PDCD6: variants seen among roughly 807,000 people sequenced by gnomAD.
The protein encoded by PDCD6 is programmed cell death 6.
PDCD6 carries 12 observed loss-of-function variants against 28.3 expected under a neutral mutation model. That is an observed-to-expected ratio of 0.42 (90% CI 0.27 to 0.69). PDCD6 has a LOEUF of 0.69. PDCD6 is among the 30% of genes least tolerant of loss of function. PDCD6 has a pLI of 0.22. For synonymous variants in PDCD6, 92 were observed against 108.0 expected, an observed-to-expected ratio of 0.85 and a Z score of 0.92; for missense variants, 226 against 269.9, an observed-to-expected ratio of 0.84 and a Z score of 1.14.
intron 3 of PDCD6, 180 bp downstream of exon 3, chr5:304,401 T>C: frequency 1.1e-6 from 1 of 919,380 alleles, no homozygotes; most frequent in Non-Finnish European, 1.6e-6. Flanking sequence ...CATCTCTCCG[T>C]GTATGTTTGC....
At position 311,402 on chromosome 5, in the gene PDCD6, G is replaced by T. The variant is rs1294369854; in HGVS notation, c.477G>T (p.Gln159His). 1 of 1,607,460 alleles carries T rather than the reference G, an allele frequency of 6.2e-7. No homozygotes were observed. The highest frequency in any genetic ancestry group is 8.5e-7 in the Non-Finnish European group (1 of 1,174,118). ...DDFIQGCIVL[Q>H]RLTDIFRRYD... Reference sequence around the variant, plus strand: ...TCATCCAGGGCTGCATCGTCCTGCAGGTGACGGAATGGCTTCACGTGGGTT... The same window carrying T: ...TCATCCAGGGCTGCATCGTCCTGCATGTGACGGAATGGCTTCACGTGGGTT... The change falls in exon 5 of 6, where the codon CAG (glutamine) becomes CAT (histidine). Residue 159 changes from glutamine (Q) to histidine (H), a missense_variant and splice_region_variant. Around this residue, in one of 3 missense-constraint regions of PDCD6, gnomAD observed 151 missense variants for 177.2 expected, o/e 0.85. Coordinates refer to ENST00000264933, the MANE Select transcript of PDCD6 (RefSeq NM_013232.4).
chr5:284,774 G>C (rs1466309294), intron 2 of PDCD6, among the ~76,000 whole-genome samples: 1 of 151,130 alleles, frequency 6.6e-6, no homozygotes, highest in South Asian at 2.1e-4. Context: ...GTTCCAGTTT[G>C]AGGGCCGGGG....
intron 5 of PDCD6, 118 bp from the exon 6 acceptor site, chr5:314,299 C>T: frequency 1.5e-6 from 1 of 688,922 alleles, no homozygotes. Flanking sequence ...TGCTGGGCTC[C>T]ATCAGGGAGC....
chr5:303,277 G>T (rs934169225), intron 2 of PDCD6, among the ~76,000 whole-genome samples: 21 of 147,782 alleles, frequency 1.4e-4, no homozygotes, highest in African/African-American at 5.2e-4. Context: ...TACTGCCCAG[G>T]ACTGTGGCAT....
intron 2 of PDCD6, among the ~76,000 whole-genome samples, chr5:280,002 T>C (rs1165579757): frequency 1.2e-4 from 6 of 50,524 alleles, no homozygotes; most frequent in African/African-American, 5.1e-4. Context: ...GGGAGGGGGG[T>C]GGGCAGGGAG....
chr5:297,292 G>A (rs1390881839), intron 2 of PDCD6, among the ~76,000 whole-genome samples: 2 of 152,258 alleles, frequency 1.3e-5, no homozygotes, highest in African/African-American at 2.4e-5. Context: ...TAAACATGGG[G>A]GAGAGCGTAA....
Position 314,450 on chromosome 5 carries a change from G to C in PDCD6, c.511G>C (p.Asp171His), listed in dbSNP as rs751964638. The C allele has an allele frequency of 6.2e-7, 1 of 1,613,866 alleles. No homozygotes were observed. The highest frequency in any genetic ancestry group is 1.1e-5 in the South Asian group (1 of 91,084). ...GGATATATTCAGACGTTACGACACGGATCAGGACGGCTGGATTCAGGTGTC... is the reference window on the plus strand; with the variant it reads ...GGATATATTCAGACGTTACGACACGCATCAGGACGGCTGGATTCAGGTGTC... ...LTDIFRRYDTDQDGWIQVSYE... is the reference protein window; with the variant it reads ...LTDIFRRYDTHQDGWIQVSYE... Residue 171 changes from aspartate to histidine, a missense_variant, in exon 6 of 6, where the codon GAT becomes CAT. Coordinates refer to ENST00000264933, the MANE Select transcript of PDCD6 (RefSeq NM_013232.4).
intron 2 of PDCD6, among the ~76,000 whole-genome samples, chr5:298,644 CCAGCTGCTCCCACTCAGCTGCTCCCACT>C (rs1345363568): frequency 1.3e-5 from 1 of 79,832 alleles, no homozygotes; most frequent in East Asian, 2.6e-4. Context: ...GCTGCTCCCC[CCAGCTGCTCCCACTCAGCTGCTCCCACT>C]CAGCTGCTCC....
intron 5 of PDCD6, among the ~76,000 whole-genome samples, chr5:312,612 A>G (rs1740992653): frequency 6.6e-6 from 1 of 152,116 alleles, no homozygotes; most frequent in African/African-American, 2.4e-5. Flanking sequence ...GGTTCCTGCC[A>G]GGTTGGATGA....
intron 2 of PDCD6, chr5:273,424 C>G (rs4956931): frequency 1 from 152,902 of 152,980 alleles, 76,412 homozygotes; most frequent in Middle Eastern, 1. Flanking sequence ...CCCCTCCCCT[C>G]CGCTATCATT....
In PDCD6 at chr5:307,882, T is replaced by G. The variant is rs1740628406; in HGVS notation, c.367+1122T>G. Reference sequence around the variant, plus strand: ...ACGAGCTTGTCCACAGGGCCGGGGGTGGACACTGGGTCTCCTCAAGAAGCA... The same window carrying G: ...ACGAGCTTGTCCACAGGGCCGGGGGGGGACACTGGGTCTCCTCAAGAAGCA... On this transcript the variant is annotated intron_variant, in intron 4 of 5. Coordinates refer to ENST00000264933, the MANE Select transcript of PDCD6 (RefSeq NM_013232.4). The surrounding 1 kb of genome is among the most constrained non-coding windows in gnomAD (Gnocchi z 6.1). 6.6e-6 allele frequency among the ~76,000 whole-genome samples: 1 copy of G among 151,992 alleles called. No homozygotes were observed. The highest frequency in any genetic ancestry group is 2.1e-4 in the South Asian group (1 of 4,822).
chr5:306,498 C>T, intron 3 of PDCD6, 104 bp from the exon 4 acceptor site: 2 of 1,133,652 alleles, frequency 1.8e-6, no homozygotes, highest in East Asian at 2.4e-5. Flanking sequence ...TAGTGGTCAG[C>T]AGTGGGGCCC....
At chr5:312,978 C>T (rs1741021334) in intron 5 of PDCD6, among the ~76,000 whole-genome samples, 1 of 152,238 alleles carries the variant, frequency 6.6e-6, no homozygotes, top group Non-Finnish European at 1.5e-5. Flanking sequence ...CTTGTGTGAG[C>T]TTTCGGTAGC....
intron 2 of PDCD6, among the ~76,000 whole-genome samples, chr5:278,268 CAT>C (rs1479893521): frequency 2.0e-5 from 3 of 152,178 alleles, no homozygotes; most frequent in Non-Finnish European, 2.9e-5. Flanking sequence ...ACACACCATT[CAT>C]GTGCCAGACC....
intron 4 of PDCD6, chr5:308,802 G>GC (rs1740704672): frequency 6.6e-6 from 1 of 152,234 alleles, no homozygotes; most frequent in Admixed American, 6.5e-5. Context: ...CTCTGATGGG[G>GC]CCACATGGTG....
chr5:294,217 T>G (rs1440846898), intron 2 of PDCD6, among the ~76,000 whole-genome samples: 1 of 151,262 alleles, frequency 6.6e-6, no homozygotes, highest in Non-Finnish European at 1.5e-5. Context: ...AAATTTAAAA[T>G]TATAATGCTA....
chr5:284,893 T>G (rs1738844768), intron 2 of PDCD6, among the ~76,000 whole-genome samples: 1 of 142,162 alleles, frequency 7.0e-6, no homozygotes, highest in South Asian at 2.5e-4. Flanking sequence ...GATGTTCCAG[T>G]CTGAGGGTCT....
chr5:276,628 T>C (rs997003569), intron 2 of PDCD6: 3 of 980,950 alleles, frequency 3.1e-6, no homozygotes, highest in Non-Finnish European at 3.6e-6. Flanking sequence ...TGCTCCCAGA[T>C]TGGGCTTCTG....
rs1333556290 is a variant in PDCD6, at chr5:305,461, G to A, written c.209-1141G>A. ...TATGTTGCTACGTCACACTGATGGA[G>A]GGAGAGAAAACTTGGAAGTGTAGTA... On this transcript the variant is annotated intron_variant, in intron 3 of 5. Coordinates refer to ENST00000264933, the MANE Select transcript of PDCD6 (RefSeq NM_013232.4). This position sits in a 1 kb window ranked among gnomAD's most constrained non-coding sequence, Gnocchi z 4.0. 6.6e-6 allele frequency: 1 copy of A among 152,176 alleles called. No individual in the cohort carries two copies. Among genetic ancestry groups the A allele is most frequent in the African/African-American group, 2.4e-5 (1 of 41,430 alleles). The allele number at this position is 152,176 out of a possible 1,614,324, so 9.4% of individuals were successfully genotyped here.
Sources: gnomAD v4.1 joint callset for allele counts (sites outside exome capture counted in the v4.1 genomes callset) on GRCh38, gnomAD v4.1.1 for gene constraint, gnomAD v4.1.1 regional missense constraint, Gnocchi (gnomAD v3.1) non-coding constraint, MANE v1.5 for transcripts, NCBI Gene and HGNC (gene_info 2026-07-23, HGNC 2026-07-21) for gene names.